Variants in MBNL2 observed in about 807,000 individuals in gnomAD.
MBNL2 encodes muscleblind-like protein 2.
A neutral mutation model predicts 41.9 loss-of-function variants in MBNL2; 17 were observed. That is an observed-to-expected ratio of 0.41 (90% CI 0.28 to 0.61). The LOEUF (loss-of-function observed/expected upper bound fraction) is 0.61. MBNL2 is among the 20% of genes least tolerant of loss of function. The pLI is 0.35. For missense variants in MBNL2, 336 were observed against 505.6 expected (o/e 0.66, Z 3.22); for synonymous variants, 195 against 182.9 (o/e 1.07, Z -0.53).
intron 1 of MBNL2, among the ~76,000 whole-genome samples, chr13:97,244,261 A>G (rs571990787): frequency 6.6e-6 from 1 of 152,368 alleles, no homozygotes; most frequent in Non-Finnish European, 1.5e-5. Context: ...AATATTTTCA[A>G]TGAATTTAAG....
At chr13:97,354,671 G>A (rs2062830736) in intron 5 of MBNL2, among the ~76,000 whole-genome samples, 1 of 152,174 alleles carries the variant, frequency 6.6e-6, no homozygotes, top group Admixed American at 6.5e-5. Context: ...CAATCCTAAA[G>A]GGAAATATTT....
chr13:97,200,403 T>G, the MBNL2 span, among the ~76,000 whole-genome samples: 5 of 152,176 alleles, frequency 3.3e-5, no homozygotes, highest in Admixed American at 3.3e-4. Flanking sequence ...CAAATATCTC[T>G]TGTGGCAAGT....
chr13:97,299,646 CTATA>C (rs915628745), intron 2 of MBNL2, among the ~76,000 whole-genome samples: 2 of 84,524 alleles, frequency 2.4e-5, no homozygotes, highest in African/African-American at 7.9e-5. Context: ...GGTAGAATTA[CTATA>C]TCTATCTATC....
At chr13:97,349,730 C>T (rs1277934652) in intron 5 of MBNL2, among the ~76,000 whole-genome samples, 1 of 152,120 alleles carries the variant, frequency 6.6e-6, no homozygotes, top group Non-Finnish European at 1.5e-5. Context: ...TCAGGAACGC[C>T]TGGGTTCAGA....
At position 97,348,387 on chromosome 13, in the gene MBNL2, G is replaced by T. The variant is rs9652113; in HGVS notation, c.804+1320G>T. Among the ~76,000 whole-genome samples, 1,051 of 152,250 alleles carry T rather than the reference G, an allele frequency of 6.9e-3. 12 individuals carry two copies. Among genetic ancestry groups the T allele is most frequent in the African/African-American group, 0.023 (954 of 41,540 alleles). On this transcript the variant is annotated intron_variant, in intron 5 of 8. Coordinates refer to ENST00000679496, the MANE Select transcript of MBNL2 (RefSeq NM_001382683.1). ...CAGTGGCAGTTTTTAAAAGCTCCCAGGTGATTCCAATGCATCGCAAAGCTT... is the reference window on the plus strand; with the variant it reads ...CAGTGGCAGTTTTTAAAAGCTCCCATGTGATTCCAATGCATCGCAAAGCTT...
chr13:97,230,930 G>A (rs1024799444), intron 1 of MBNL2, among the ~76,000 whole-genome samples: 9 of 152,122 alleles, frequency 5.9e-5, no homozygotes, highest in Admixed American at 3.9e-4. Flanking sequence ...TTTAAAAGTC[G>A]ATCTTCACTA....
intron 1 of MBNL2, among the ~76,000 whole-genome samples, chr13:97,240,384 C>T (rs2044044149): frequency 6.6e-6 from 1 of 152,142 alleles, no homozygotes; most frequent in African/African-American, 2.4e-5. Context: ...TTGGGCGATG[C>T]TTGGGATTAA....
Position 97,391,340 on chromosome 13 carries a change from G to T in MBNL2, c.1067G>T (p.Ser356Ile). ...ATSIDNSEII[S>I]RNGMECQESA... Reference sequence around the variant, plus strand: ...TTAACAGATAATTCTGAAATAATCAGCAGAAACGGAATGGAATGCCAAGAA... The same window carrying T: ...TTAACAGATAATTCTGAAATAATCATCAGAAACGGAATGGAATGCCAAGAA... Residue 356 changes from serine to isoleucine, a missense_variant, in exon 9 of 9, where the codon AGC becomes ATC. Ser to Ile is a moderately radical substitution (Grantham distance 142). Transcript: ENST00000679496. 1 of 1,505,340 alleles carries T rather than the reference G, an allele frequency of 6.6e-7. No homozygotes were observed. Among genetic ancestry groups the T allele is most frequent in the Non-Finnish European group, 9.2e-7 (1 of 1,081,650 alleles). 93.2% of individuals were successfully genotyped at this position (1,505,340 alleles called of 1,614,324 possible).
At chr13:97,209,542 T>C in the MBNL2 span, among the ~76,000 whole-genome samples, 2 of 152,230 alleles carry the variant, frequency 1.3e-5, no homozygotes, top group Non-Finnish European at 2.9e-5. Flanking sequence ...TATAATAATC[T>C]TTCCAATATT....
chr13:97,334,479 C>G lies in MBNL2; in HGVS notation c.339+39C>G. Reference sequence around the variant, plus strand: ...TATTCAGTGATGAGTTGGATGGTTACAGTGTTGGTATGGATGATGCCACGT... The same window carrying G: ...TATTCAGTGATGAGTTGGATGGTTAGAGTGTTGGTATGGATGATGCCACGT... On this transcript the variant is annotated intron_variant, in intron 3 of 8. Transcript: ENST00000679496. This position sits in a 1 kb window ranked among gnomAD's most constrained non-coding sequence, Gnocchi z 5.3. 6.5e-7 allele frequency: 1 copy of G among 1,533,160 alleles called. No homozygotes were observed. The highest frequency in any genetic ancestry group is 1.2e-5 in the South Asian group (1 of 81,442). 95.0% of individuals were successfully genotyped at this position (1,533,160 alleles called of 1,614,324 possible).
At chr13:97,347,124 G>C (rs2061957227) in intron 5 of MBNL2, 57 bp downstream of exon 5, 2 of 1,345,378 alleles carry the variant, frequency 1.5e-6, no homozygotes, top group African/African-American at 1.5e-5. Flanking sequence ...GGCCGCTCCG[G>C]GCTGGGACTT....
At chr13:97,161,179 C>A in the MBNL2 span, among the ~76,000 whole-genome samples, 2 of 152,076 alleles carry the variant, frequency 1.3e-5, no homozygotes, top group East Asian at 3.9e-4. Flanking sequence ...TTACTGAAGC[C>A]AACACAGAAT....
At chr13:97,149,214 A>G in the MBNL2 span, among the ~76,000 whole-genome samples, 1 of 152,214 alleles carries the variant, frequency 6.6e-6, no homozygotes, top group African/African-American at 2.4e-5. Flanking sequence ...TTCCTAAGGT[A>G]CCTTCTCACT....
At chr13:97,351,896 C>T (rs184869611) in intron 5 of MBNL2, among the ~76,000 whole-genome samples, 32 of 152,022 alleles carry the variant, frequency 2.1e-4, no homozygotes, top group Non-Finnish European at 4.4e-5. Context: ...TGGTGGTGCA[C>T]GCTATAATTC....
At chr13:97,259,504 G>T (rs2048199339) in intron 1 of MBNL2, among the ~76,000 whole-genome samples, 1 of 152,120 alleles carries the variant, frequency 6.6e-6, no homozygotes, top group Non-Finnish European at 1.5e-5. Flanking sequence ...CTGGACTTGG[G>T]AGCAGGAAGA....
the MBNL2 span, among the ~76,000 whole-genome samples, chr13:97,148,388 T>C: frequency 1.3e-5 from 2 of 152,272 alleles, no homozygotes; most frequent in African/African-American, 2.4e-5. Context: ...TTACATACCA[T>C]TCATTATATA....
At chr13:97,202,688 A>T in the MBNL2 span, among the ~76,000 whole-genome samples, 2 of 152,292 alleles carry the variant, frequency 1.3e-5, no homozygotes, top group African/African-American at 4.8e-5. Flanking sequence ...ATGCTCACTA[A>T]AGTTTTCAAA....
chr13:97,156,588 G>A, the MBNL2 span, among the ~76,000 whole-genome samples: 1 of 140,782 alleles, frequency 7.1e-6, no homozygotes. Flanking sequence ...TGTAAGGAAG[G>A]GATCCAGTTT....
chr13:97,192,177 A>C, the MBNL2 span, among the ~76,000 whole-genome samples: 306 of 152,352 alleles, frequency 2.0e-3, 3 homozygotes, highest in African/African-American at 6.7e-3. Flanking sequence ...TGAAGCAGAA[A>C]GAATATTAAA....
Sources: gnomAD v4.1 joint callset for allele counts (sites outside exome capture counted in the v4.1 genomes callset) on GRCh38, gnomAD v4.1.1 for gene constraint, Gnocchi (gnomAD v3.1) non-coding constraint, MANE v1.5 for transcripts, NCBI Gene and HGNC (gene_info 2026-07-23, HGNC 2026-07-21) for gene names.